The following RNF24 variants were observed in gnomAD, a reference collection of about 807,000 sequenced individuals.
RNF24 encodes the protein ring finger protein 24.
A neutral mutation model predicts 20.0 loss-of-function variants in RNF24; 14 were observed. The observed-to-expected ratio is 0.70, with a 90% CI of 0.46 to 1.10. The LOEUF (loss-of-function observed/expected upper bound fraction) is 1.10, where lower values mean the gene tolerates loss of function less well. Ranked by LOEUF, RNF24 falls within the 50% of genes least tolerant of loss-of-function variation. RNF24 has a pLI of 0.00. For missense variants in RNF24, 124 were observed against 177.6 expected, an observed-to-expected ratio of 0.70 and a Z score of 1.71; for synonymous variants, 45 against 61.1, an observed-to-expected ratio of 0.74 and a Z score of 1.23.
intron 1 of RNF24, among the ~76,000 whole-genome samples, chr20:3,999,743 G>T (rs1324358386): frequency 6.6e-6 from 1 of 152,146 alleles, no homozygotes; most frequent in East Asian, 1.9e-4. Context: ...AACGAGAGGC[G>T]AAACTCTGTC....
At chr20:3,978,719 C>G (rs1369734572) in intron 1 of RNF24, among the ~76,000 whole-genome samples, 1 of 152,044 alleles carries the variant, frequency 6.6e-6, no homozygotes, top group Admixed American at 6.6e-5. Context: ...GGCTAAAAAG[C>G]TATATGAACA....
intron 3 of RNF24, 148 bp downstream of exon 3, chr20:3,948,089 T>C: frequency 1.7e-6 from 1 of 597,588 alleles, no homozygotes. Context: ...GAAAATGAAG[T>C]TGATATATTA....
chr20:4,002,965 CTTTTTCTTTTCT>C (rs976053692), intron 1 of RNF24, among the ~76,000 whole-genome samples: 5 of 151,972 alleles, frequency 3.3e-5, no homozygotes, highest in Non-Finnish European at 7.4e-5. Flanking sequence ...TTGAATTTTT[CTTTTTCTTTTCT>C]TTTTTCTTTT....
At chr20:4,001,111 C>T (rs555232137) in intron 1 of RNF24, among the ~76,000 whole-genome samples, 1 of 151,872 alleles carries the variant, frequency 6.6e-6, no homozygotes, top group Non-Finnish European at 1.5e-5. Flanking sequence ...TACTAAAATA[C>T]AAAAAATTAG....
intron 2 of RNF24, among the ~76,000 whole-genome samples, chr20:3,957,468 AAATAAT>A (rs1176732872): frequency 6.9e-6 from 1 of 145,242 alleles, no homozygotes; most frequent in African/African-American, 2.5e-5. Context: ...AAAAAAAAAA[AAATAAT>A]AATAATAAAA....
chr20:3,998,452 G>T (rs779507207), intron 1 of RNF24, among the ~76,000 whole-genome samples: 1 of 151,926 alleles, frequency 6.6e-6, no homozygotes, highest in Non-Finnish European at 1.5e-5. Context: ...GGACATGCCC[G>T]TAGTCCCAGC....
intron 4 of RNF24, among the ~76,000 whole-genome samples, chr20:3,936,707 A>T (rs1387105295): frequency 6.6e-6 from 1 of 152,206 alleles, no homozygotes; most frequent in East Asian, 1.9e-4. Flanking sequence ...CCGCCTTCCG[A>T]CACAGGGTCA....
At chr20:4,001,589 CT>C (rs1227975878) in intron 1 of RNF24, among the ~76,000 whole-genome samples, 1 of 152,028 alleles carries the variant, frequency 6.6e-6, no homozygotes, top group Non-Finnish European at 1.5e-5. Context: ...AAAAATCACC[CT>C]TATTTCTGGT....
chr20:4,012,324 T>C (rs1982523339), intron 1 of RNF24, among the ~76,000 whole-genome samples: 2 of 150,886 alleles, frequency 1.3e-5, no homozygotes, highest in Admixed American at 6.6e-5. Context: ...AGCTGAGGCA[T>C]GAGAATCACT....
At chr20:3,995,526 A>C (rs1980790935) in intron 1 of RNF24, among the ~76,000 whole-genome samples, 1 of 152,228 alleles carries the variant, frequency 6.6e-6, no homozygotes, top group Admixed American at 6.5e-5. Context: ...TTCTACAGCC[A>C]CAAAACAGCA....
At chr20:3,995,052 C>G (rs1355771232) in intron 1 of RNF24, among the ~76,000 whole-genome samples, 1 of 152,198 alleles carries the variant, frequency 6.6e-6, no homozygotes, top group African/African-American at 2.4e-5. Flanking sequence ...TTAGAGAAAG[C>G]TGCATGGCAC....
At chr20:3,972,365 T>C (rs1163737560) in intron 1 of RNF24, among the ~76,000 whole-genome samples, 2 of 151,998 alleles carry the variant, frequency 1.3e-5, no homozygotes, top group African/African-American at 4.8e-5. Context: ...CAAATACCCA[T>C]GGCACCTACA....
Position 3,953,890 on chromosome 20 carries a change from G to A in RNF24, c.144-5611C>T, listed in dbSNP as rs1271709183. ...TCTTGTTTCAGCCTCCTGAATAGCT[G>A]AGAATACAGGTGTGTGCCACCACGT... On this transcript the variant is annotated intron_variant, in intron 2 of 5. Transcript: ENST00000358395. Among the ~76,000 whole-genome samples the A allele has an allele frequency of 3.3e-5, 5 of 150,968 alleles. No homozygotes were observed. In the East Asian group the frequency reaches 9.8e-4, roughly 29 times the overall value.
chr20:3,964,433 T>C (rs181720819), intron 1 of RNF24, among the ~76,000 whole-genome samples: 1 of 152,312 alleles, frequency 6.6e-6, no homozygotes, highest in African/African-American at 2.4e-5. Flanking sequence ...GGTAAAATAT[T>C]AGAAATAACT....
chr20:3,947,136 T>C (rs1484468917), intron 3 of RNF24, among the ~76,000 whole-genome samples: 3 of 151,950 alleles, frequency 2.0e-5, no homozygotes, highest in Admixed American at 6.6e-5. Context: ...GGAGGTTGCA[T>C]TGAGCTGAGA....
At chr20:3,945,590 C>T (rs144973754) in intron 3 of RNF24, among the ~76,000 whole-genome samples, 283 of 152,120 alleles carry the variant, frequency 1.9e-3, no homozygotes, top group African/African-American at 6.7e-3. Context: ...TGGCGCCTGC[C>T]TATAATCCCA....
At chr20:3,946,055 A>G (rs561373780) in intron 3 of RNF24, among the ~76,000 whole-genome samples, 4 of 152,220 alleles carry the variant, frequency 2.6e-5, no homozygotes, top group Admixed American at 6.5e-5. Context: ...TTAAAGATCA[A>G]ATTTACTGTA....
chr20:3,990,748 T>A (rs531659038), intron 1 of RNF24, among the ~76,000 whole-genome samples: 2 of 152,162 alleles, frequency 1.3e-5, no homozygotes, highest in South Asian at 4.2e-4. Context: ...TGGTGGCACA[T>A]GCTTTTAGTC....
At chr20:3,990,528 G>A (rs1018129530) in intron 1 of RNF24, among the ~76,000 whole-genome samples, 5 of 152,112 alleles carry the variant, frequency 3.3e-5, no homozygotes, top group African/African-American at 1.2e-4. Flanking sequence ...TTAAGTCATA[G>A]AATATCATCA....
Sources: allele counts gnomAD v4.1 joint callset (sites outside exome capture counted in the v4.1 genomes callset), GRCh38; gene constraint gnomAD v4.1.1; transcripts MANE v1.5; gene names NCBI Gene and HGNC (gene_info 2026-07-23, HGNC 2026-07-21).